The following GALNTL6 variants were observed in gnomAD, a reference collection of about 807,000 sequenced individuals.
The protein encoded by GALNTL6 is polypeptide N-acetylgalactosaminyltransferase like 6.
In GALNTL6, 46 loss-of-function variants were observed where a neutral mutation model predicts 73.7. The observed-to-expected ratio is 0.62, with a 90% confidence interval of 0.49 to 0.80. The LOEUF is 0.80. Ranked by LOEUF, GALNTL6 falls within the 30% of genes least tolerant of loss-of-function variation. GALNTL6 has a pLI of 0.00. For missense variants in GALNTL6, 604 were observed against 755.0 expected (o/e 0.80, Z 2.34); for synonymous variants, 259 against 263.7 (o/e 0.98, Z 0.17).
At chr4:172,493,686 T>C (rs1733968298) in intron 5 of GALNTL6, among the ~76,000 whole-genome samples, 1 of 152,208 alleles carries the variant, frequency 6.6e-6, no homozygotes, top group South Asian at 2.1e-4. Flanking sequence ...CAAGTTTAGC[T>C]AAATAGGCAG....
At chr4:172,550,344 G>T (rs1735910693) in intron 5 of GALNTL6, among the ~76,000 whole-genome samples, 1 of 152,196 alleles carries the variant, frequency 6.6e-6, no homozygotes, top group South Asian at 2.1e-4. Flanking sequence ...TTTAATTATA[G>T]TCAGTCTGAT....
At chr4:171,855,052 C>G (rs1735649814) in intron 2 of GALNTL6, among the ~76,000 whole-genome samples, 1 of 151,854 alleles carries the variant, frequency 6.6e-6, no homozygotes. Context: ...CACCCCCTTT[C>G]CCTTATTATT....
At chr4:171,914,152 C>T (rs1578966876) in intron 2 of GALNTL6, among the ~76,000 whole-genome samples, 1 of 152,118 alleles carries the variant, frequency 6.6e-6, no homozygotes, top group East Asian at 1.9e-4. Context: ...GTCCCCCACA[C>T]ATGACATAGG....
At chr4:172,057,182 C>T (rs1413418323) in intron 2 of GALNTL6, among the ~76,000 whole-genome samples, 1 of 151,966 alleles carries the variant, frequency 6.6e-6, no homozygotes, top group Non-Finnish European at 1.5e-5. Flanking sequence ...TTGAGGCTGA[C>T]ACATATCTTG....
intron 4 of GALNTL6, among the ~76,000 whole-genome samples, chr4:172,315,564 A>G (rs1740514611): frequency 6.6e-6 from 1 of 152,056 alleles, no homozygotes; most frequent in African/African-American, 2.4e-5. Flanking sequence ...GTTGATTTTT[A>G]TATATTTTTT....
chr4:171,878,167 T>C (rs1301844682), intron 2 of GALNTL6, among the ~76,000 whole-genome samples: 1 of 152,212 alleles, frequency 6.6e-6, no homozygotes, highest in Admixed American at 6.5e-5. Context: ...TTTCAAGATA[T>C]GTCATATCTG....
intron 5 of GALNTL6, among the ~76,000 whole-genome samples, chr4:172,397,298 C>T (rs1303352743): frequency 6.6e-6 from 1 of 152,112 alleles, no homozygotes; most frequent in African/African-American, 2.4e-5. Context: ...ATCTCCTTGA[C>T]ACCCATGAAA....
chr4:172,041,092 T>C (rs1053305699), intron 2 of GALNTL6, among the ~76,000 whole-genome samples: 2 of 152,226 alleles, frequency 1.3e-5, no homozygotes, highest in Middle Eastern at 3.4e-3. Context: ...TAATTGTTTT[T>C]TTATTTTAGA....
intron 8 of GALNTL6, among the ~76,000 whole-genome samples, chr4:172,925,378 T>A (rs1295971912): frequency 6.6e-6 from 1 of 152,182 alleles, no homozygotes; most frequent in African/African-American, 2.4e-5. Flanking sequence ...AAGACATGAA[T>A]TTTGAGTCCT....
intron 8 of GALNTL6, among the ~76,000 whole-genome samples, chr4:172,904,928 T>C (rs2111248382): frequency 6.6e-6 from 1 of 152,288 alleles, no homozygotes; most frequent in South Asian, 2.1e-4. Context: ...ACATATATAA[T>C]TTAAAGGGAT....
intron 2 of GALNTL6, among the ~76,000 whole-genome samples, chr4:171,826,957 T>C (rs1042572895): frequency 3.9e-5 from 6 of 152,094 alleles, no homozygotes; most frequent in Non-Finnish European, 7.4e-5. Flanking sequence ...GTTCTTTTCC[T>C]AAAAATATGC....
intron 5 of GALNTL6, among the ~76,000 whole-genome samples, chr4:172,757,812 G>A (rs901667078): frequency 4.6e-5 from 7 of 152,130 alleles, no homozygotes; most frequent in Admixed American, 1.3e-4. Flanking sequence ...CGTCCCATGT[G>A]TTTTTTTCTG....
intron 2 of GALNTL6, among the ~76,000 whole-genome samples, chr4:171,820,321 G>T (rs796994246): frequency 6.6e-6 from 1 of 152,276 alleles, no homozygotes; most frequent in African/African-American, 2.4e-5. Context: ...TGAATTCAAG[G>T]TAAAGCACAT....
chr4:172,652,501 T>TG (rs1740521283), intron 5 of GALNTL6, among the ~76,000 whole-genome samples: 1 of 152,202 alleles, frequency 6.6e-6, no homozygotes, highest in Non-Finnish European at 1.5e-5. Flanking sequence ...ACATTGTGCC[T>TG]TTAGAATAAA....
chr4:172,933,218 C>G (rs1284092405), intron 9 of GALNTL6, among the ~76,000 whole-genome samples: 5 of 151,924 alleles, frequency 3.3e-5, no homozygotes, highest in Non-Finnish European at 7.4e-5. Flanking sequence ...CTCATGTATC[C>G]ACTTTTATTC....
intron 2 of GALNTL6, among the ~76,000 whole-genome samples, chr4:171,866,863 C>T (rs1335990069): frequency 6.6e-6 from 1 of 152,088 alleles, no homozygotes; most frequent in African/African-American, 2.4e-5. Flanking sequence ...TCCCACAAGC[C>T]CCATCTCCAA....
At chr4:171,937,616 T>C (rs2111006993) in intron 2 of GALNTL6, among the ~76,000 whole-genome samples, 1 of 152,294 alleles carries the variant, frequency 6.6e-6, no homozygotes, top group Middle Eastern at 3.4e-3. Flanking sequence ...TCTCATTCCT[T>C]ACTTTATTCA....
intron 5 of GALNTL6, among the ~76,000 whole-genome samples, chr4:172,640,426 A>G (rs931745328): frequency 2.6e-5 from 4 of 152,142 alleles, no homozygotes; most frequent in South Asian, 4.1e-4. Context: ...TGCCATTTAT[A>G]TGGTATATTA....
intron 8 of GALNTL6, among the ~76,000 whole-genome samples, chr4:172,917,612 A>C (rs572027860): frequency 2.0e-5 from 3 of 152,384 alleles, no homozygotes; most frequent in African/African-American, 7.2e-5. Flanking sequence ...ACTTCTCAAA[A>C]GAAGACTTTT....
Sources: gnomAD v4.1 joint callset for allele counts (sites outside exome capture counted in the v4.1 genomes callset) on GRCh38, gnomAD v4.1.1 for gene constraint, MANE v1.5 for transcripts, NCBI Gene and HGNC (gene_info 2026-07-23, HGNC 2026-07-21) for gene names.